AGMO: variants seen among roughly 807,000 people sequenced by gnomAD.
AGMO encodes the protein glyceryl-ether monooxygenase.
Under a neutral mutation model 60.2 loss-of-function variants are expected in AGMO, and 75 were observed. That is an observed-to-expected ratio of 1.25 (90% CI 1.03 to 1.51). The LOEUF (loss-of-function observed/expected upper bound fraction) is 1.51. Among genes scored for constraint, AGMO ranks in the 40% most tolerant of loss-of-function variants. AGMO has a pLI of 0.00. For synonymous variants in AGMO, 261 were observed against 177.1 expected, an observed-to-expected ratio of 1.47 and a Z score of -3.76; for missense variants, 763 against 525.5, an observed-to-expected ratio of 1.45 and a Z score of -4.42.
intron 1 of AGMO, 139 bp downstream of exon 1, chr7:15,561,581 G>T: frequency 2.3e-6 from 2 of 861,108 alleles, no homozygotes; most frequent in Non-Finnish European, 3.2e-6. Flanking sequence ...TTTGCTTCAC[G>T]CCTTTAAGAA....
intron 3 of AGMO, among the ~76,000 whole-genome samples, chr7:15,477,971 T>C (rs1000571961): frequency 1.3e-5 from 2 of 152,138 alleles, no homozygotes; most frequent in Admixed American, 1.3e-4. Context: ...TTCTTACTTG[T>C]AGAGAATCCC....
At chr7:15,404,164 A>G (rs1784626084) in intron 5 of AGMO, among the ~76,000 whole-genome samples, 1 of 151,956 alleles carries the variant, frequency 6.6e-6, no homozygotes, top group Non-Finnish European at 1.5e-5. Context: ...ATGAATCCAT[A>G]CCACAGGGAT....
At chr7:15,279,379 C>A (rs1200964189) in intron 12 of AGMO, among the ~76,000 whole-genome samples, 1 of 152,176 alleles carries the variant, frequency 6.6e-6, no homozygotes, top group Non-Finnish European at 1.5e-5. Context: ...GAATTGTTAA[C>A]ATTTACTTGC....
intron 6 of AGMO, among the ~76,000 whole-genome samples, chr7:15,391,336 G>T (rs773392784): frequency 1.5e-4 from 23 of 151,796 alleles, no homozygotes; most frequent in Non-Finnish European, 2.8e-4. Context: ...TCTGTTTCAG[G>T]AAGGAAATTT....
chr7:15,280,686 T>C (rs1301903918), intron 12 of AGMO, among the ~76,000 whole-genome samples: 1 of 152,162 alleles, frequency 6.6e-6, no homozygotes, highest in Non-Finnish European at 1.5e-5. Flanking sequence ...ACCAACACGG[T>C]CCATCACAGC....
intron 12 of AGMO, among the ~76,000 whole-genome samples, chr7:15,208,773 T>C (rs1781503820): frequency 6.6e-6 from 1 of 152,236 alleles, no homozygotes; most frequent in Non-Finnish European, 1.5e-5. Flanking sequence ...CAATTTCATT[T>C]AATTTTTCTG....
At chr7:15,347,113 C>T (rs1225602090) in intron 12 of AGMO, among the ~76,000 whole-genome samples, 1 of 151,976 alleles carries the variant, frequency 6.6e-6, no homozygotes, top group Non-Finnish European at 1.5e-5. Context: ...GAAACATTCT[C>T]TTCTCTATCC....
intron 12 of AGMO, among the ~76,000 whole-genome samples, chr7:15,283,417 G>A (rs779119185): frequency 6.6e-6 from 1 of 151,978 alleles, no homozygotes; most frequent in Admixed American, 6.6e-5. Context: ...GAAACCAAAT[G>A]TAAGCAGGAG....
chr7:15,218,590 T>C (rs1426254030), intron 12 of AGMO, among the ~76,000 whole-genome samples: 3 of 152,110 alleles, frequency 2.0e-5, no homozygotes, highest in Admixed American at 6.6e-5. Context: ...TAAGCTTGGC[T>C]AATATACAAT....
intron 8 of AGMO, among the ~76,000 whole-genome samples, chr7:15,387,779 T>C (rs893314629): frequency 6.6e-6 from 1 of 152,054 alleles, no homozygotes; most frequent in Admixed American, 6.6e-5. Context: ...AATTTTGAAA[T>C]GTAAAAACAG....
At chr7:15,316,896 G>A (rs550507527) in intron 12 of AGMO, among the ~76,000 whole-genome samples, 6 of 152,180 alleles carry the variant, frequency 3.9e-5, no homozygotes, top group African/African-American at 9.6e-5. Flanking sequence ...CTCTGCCCAT[G>A]GCACTCTGAT....
At chr7:15,543,925 G>A (rs7806526) in intron 3 of AGMO, among the ~76,000 whole-genome samples, 1,915 of 151,632 alleles carry the variant, frequency 0.013, 27 homozygotes, top group African/African-American at 0.044. Context: ...TCCTACCAAC[G>A]GTATAAAACT....
chr7:15,542,652 T>C (rs1172491330), intron 3 of AGMO, among the ~76,000 whole-genome samples: 1 of 152,114 alleles, frequency 6.6e-6, no homozygotes, highest in African/African-American at 2.4e-5. Context: ...GCATAGAAAA[T>C]GAGGAAGATT....
intron 10 of AGMO, among the ~76,000 whole-genome samples, chr7:15,375,352 T>A (rs1008950583): frequency 6.6e-6 from 1 of 151,616 alleles, no homozygotes; most frequent in Non-Finnish European, 1.5e-5. Context: ...TAAAAGACTG[T>A]TTCAGAGACA....
At chr7:15,400,723 A>G (rs1211622444) in intron 5 of AGMO, among the ~76,000 whole-genome samples, 1 of 152,168 alleles carries the variant, frequency 6.6e-6, no homozygotes, top group East Asian at 1.9e-4. Flanking sequence ...GCCAAAACAA[A>G]CAAACAAATA....
intron 10 of AGMO, among the ~76,000 whole-genome samples, chr7:15,371,013 G>A (rs1783188252): frequency 6.6e-6 from 1 of 152,072 alleles, no homozygotes; most frequent in Non-Finnish European, 1.5e-5. Context: ...AAGCAATGGG[G>A]AAAAGACTCC....
At chr7:15,488,307 A>G (rs1235845920) in intron 3 of AGMO, among the ~76,000 whole-genome samples, 1 of 152,198 alleles carries the variant, frequency 6.6e-6, no homozygotes, top group East Asian at 1.9e-4. Context: ...AATTGTTTCT[A>G]CTCATTAATC....
intron 10 of AGMO, among the ~76,000 whole-genome samples, chr7:15,377,369 A>G (rs867562108): frequency 2.7e-5 from 4 of 148,876 alleles, no homozygotes; most frequent in Non-Finnish European, 4.4e-5. Flanking sequence ...ATATATCTAC[A>G]TGAGTTTCTC....
intron 3 of AGMO, among the ~76,000 whole-genome samples, chr7:15,540,581 G>A (rs962758310): frequency 1.3e-5 from 2 of 152,168 alleles, no homozygotes; most frequent in African/African-American, 4.8e-5. Flanking sequence ...ATGCAGCTCT[G>A]ACAATAGAAG....
Sources: allele counts gnomAD v4.1 joint callset (sites outside exome capture counted in the v4.1 genomes callset), GRCh38; gene constraint gnomAD v4.1.1; transcripts MANE v1.5; gene names NCBI Gene and HGNC (gene_info 2026-07-23, HGNC 2026-07-21).